The following FBXO11 variants were observed in gnomAD, a reference collection of about 807,000 sequenced individuals.
FBXO11 encodes the protein F-box only protein 11.
In FBXO11, 13 loss-of-function variants were observed where a neutral mutation model predicts 117.0. The observed-to-expected ratio is 0.11, with a 90% CI of 0.07 to 0.18. FBXO11 has a LOEUF of 0.18. FBXO11 is among the 10% of genes least tolerant of loss of function. FBXO11 has a pLI of 1.00. For missense variants in FBXO11, 767 were observed against 1,164.4 expected, an observed-to-expected ratio of 0.66 and a Z score of 4.97; for synonymous variants, 490 against 380.5, an observed-to-expected ratio of 1.29 and a Z score of -3.35.
chr2:47,880,120 C>T (rs888222062), intron 1 of FBXO11, among the ~76,000 whole-genome samples: 4 of 151,940 alleles, frequency 2.6e-5, no homozygotes, highest in Admixed American at 6.6e-5. Flanking sequence ...CACAGCCTCC[C>T]GAGTTGCTGG....
intron 1 of FBXO11, among the ~76,000 whole-genome samples, chr2:47,860,431 G>A (rs1330183070): frequency 6.9e-6 from 1 of 144,296 alleles, no homozygotes; most frequent in African/African-American, 2.6e-5. Context: ...TTTTTTTGGA[G>A]ACAGAGTCTG....
At chr2:47,836,845 G>T in intron 4 of FBXO11, 1 of 276,632 alleles carries the variant, frequency 3.6e-6, no homozygotes, top group Admixed American at 4.9e-5. Context: ...GTGCAGAGGC[G>T]TGATCATGGC....
intron 1 of FBXO11, among the ~76,000 whole-genome samples, chr2:47,843,311 T>C (rs554012157): frequency 6.6e-6 from 1 of 152,242 alleles, no homozygotes; most frequent in Admixed American, 6.5e-5. Context: ...AGCTTGTTAA[T>C]TGTGTTGTTC....
chr2:47,899,773 A>C (rs1483088640), intron 1 of FBXO11, among the ~76,000 whole-genome samples: 1 of 152,228 alleles, frequency 6.6e-6, no homozygotes, highest in Non-Finnish European at 1.5e-5. Context: ...AGGTCTGATA[A>C]ATCAGTGAAT....
At chr2:47,882,004 T>C (rs1052818380) in intron 1 of FBXO11, among the ~76,000 whole-genome samples, 1 of 152,166 alleles carries the variant, frequency 6.6e-6, no homozygotes, top group African/African-American at 2.4e-5. Flanking sequence ...TATTTTGGCC[T>C]CCCAAAGTGC....
At position 47,808,049 on chromosome 2, in the gene FBXO11, A is replaced by G. The variant is rs1011355355; in HGVS notation, c.*69T>C. On this transcript the variant is annotated 3_prime_UTR_variant, in exon 23 of 23. Transcript: ENST00000403359. ...CCTGTAGCATGGGCAAATATTTTAA[A>G]TCTTCTTCCAAAAAAGTGTTTTAAG... The G allele has an allele frequency of 3.6e-6, 5 of 1,386,246 alleles. No homozygotes were observed. Among genetic ancestry groups the G allele is most frequent in the Non-Finnish European group, 5.0e-6 (5 of 1,004,858 alleles). 85.9% of individuals were successfully genotyped at this position (1,386,246 alleles called of 1,614,324 possible). A position where few individuals can be genotyped will look rare whatever the true frequency, so the allele number is the denominator to read the frequency against.
intron 16 of FBXO11, among the ~76,000 whole-genome samples, chr2:47,818,225 CAG>C (rs775574539): frequency 1.3e-5 from 2 of 152,076 alleles, no homozygotes; most frequent in African/African-American, 2.4e-5. Flanking sequence ...AAAAAAATGG[CAG>C]AGAGATCTGC....
intron 1 of FBXO11, among the ~76,000 whole-genome samples, chr2:47,855,794 G>A (rs1415794485): frequency 6.6e-6 from 1 of 151,724 alleles, no homozygotes; most frequent in Admixed American, 6.6e-5. Flanking sequence ...ATTGTGCCAT[G>A]GCACTCCAGC....
At chr2:47,823,786 A>C (rs967362352) in intron 11 of FBXO11, among the ~76,000 whole-genome samples, 3 of 152,096 alleles carry the variant, frequency 2.0e-5, no homozygotes, top group Non-Finnish European at 4.4e-5. Flanking sequence ...TAAGAATAAA[A>C]AGTAGGTATA....
intron 1 of FBXO11, among the ~76,000 whole-genome samples, chr2:47,881,524 C>A (rs549966149): frequency 6.6e-6 from 1 of 152,068 alleles, no homozygotes; most frequent in South Asian, 2.1e-4. Context: ...AGTATTGAAA[C>A]TAATAGCATT....
chr2:47,836,719 A>G (rs1156719977), intron 4 of FBXO11, among the ~76,000 whole-genome samples: 1 of 152,226 alleles, frequency 6.6e-6, no homozygotes, highest in Non-Finnish European at 1.5e-5. Context: ...CTGTTTACTC[A>G]GGAAGGGGAA....
At chr2:47,828,172 A>G (rs76208111) in intron 11 of FBXO11, among the ~76,000 whole-genome samples, 11,027 of 151,892 alleles carry the variant, frequency 0.073, 561 homozygotes, top group Non-Finnish European at 0.11. Context: ...TTTAGTAGAG[A>G]TAGGGTCTGT....
rs1672408119 is a variant in FBXO11 at position 47,834,392 on chromosome 2, A to T, written c.934+187T>A. Among the ~76,000 whole-genome samples, 6 of 152,260 alleles carry T rather than the reference A, an allele frequency of 3.9e-5. No individual in the cohort carries two copies. The South Asian group carries it at 1.2e-3, about 32-fold the overall frequency. On this transcript the variant is annotated intron_variant, in intron 7 of 22. Coordinates refer to ENST00000403359, the MANE Select transcript of FBXO11 (RefSeq NM_001190274.2). ...TGGGGGGGGCGGGGAGAAAGAATTT[A>T]TATACAGCTATAATTTCTGAACTCT...
rs1028950551 is a variant in FBXO11 at position 47,882,480 on chromosome 2, T to G, written c.232+23009A>C. On this transcript the variant is annotated intron_variant, in intron 1 of 22. Coordinates refer to ENST00000403359, the MANE Select transcript of FBXO11 (RefSeq NM_001190274.2). Reference sequence around the variant, plus strand: ...TTTTTAACCACTTGTTCTACTGTCATGTTTTGGTTTTCTTCTATAGGGGTT... The same window carrying G: ...TTTTTAACCACTTGTTCTACTGTCAGGTTTTGGTTTTCTTCTATAGGGGTT... Among the ~76,000 whole-genome samples the G allele has an allele frequency of 2.6e-5, 4 of 152,212 alleles. No individual in the cohort carries two copies. The East Asian group carries it at 7.7e-4, about 29-fold the overall frequency.
rs186344664 is a variant in FBXO11 at position 47,873,614 on chromosome 2, G to A, written c.232+31875C>T. Among the ~76,000 whole-genome samples the A allele has an allele frequency of 7.2e-5, 11 of 152,174 alleles. No homozygotes were observed. In the East Asian group the frequency reaches 1.7e-3, roughly 24 times the overall value. On this transcript the variant is annotated intron_variant, in intron 1 of 22. Transcript: ENST00000403359. ...ATTCCTTAGTCTTTTGGGGTTCTTT[G>A]GCATGATTTGGCTTATTTCTTGTAG...
At chr2:47,810,021 G>C (rs1358703852) in intron 19 of FBXO11, 1 of 488,104 alleles carries the variant, frequency 2.0e-6, no homozygotes. Context: ...AAATTCATCT[G>C]AGGAATTGAA....
chr2:47,810,102 C>G, intron 19 of FBXO11: 1 of 516,306 alleles, frequency 1.9e-6, no homozygotes, highest in South Asian at 3.1e-5. Flanking sequence ...ATAATCACGA[C>G]TAAGCAATAA....
In FBXO11 at chr2:47,900,581, CATATAT is replaced by C. The variant is rs1203917894; in HGVS notation, c.232+4902_232+4907del. Among the ~76,000 whole-genome samples, 12 of 116,660 alleles carry C rather than the reference CATATAT, an allele frequency of 1.0e-4. 1 individual carries two copies. The highest frequency in any genetic ancestry group is 3.3e-4 in the African/African-American group (11 of 33,556). The allele number at this position is 116,660 out of a possible 152,430, so 76.5% of individuals were successfully genotyped here. A position where few individuals can be genotyped will look rare whatever the true frequency, so the allele number is the denominator to read the frequency against. On this transcript the variant is annotated intron_variant, in intron 1 of 22. Transcript: ENST00000403359. ...ACGTATATATACACACGTATACACA[CATATAT>C]ACGTATATACACACGTATACACACG...
intron 7 of FBXO11, among the ~76,000 whole-genome samples, chr2:47,834,107 T>G (rs981744256): frequency 1.3e-5 from 2 of 152,182 alleles, no homozygotes; most frequent in African/African-American, 4.8e-5. Context: ...CCCCGCACTT[T>G]GGAAGGCCGA....
Sources: allele counts gnomAD v4.1 joint callset (sites outside exome capture counted in the v4.1 genomes callset), GRCh38; gene constraint gnomAD v4.1.1; transcripts MANE v1.5; gene names NCBI Gene and HGNC (gene_info 2026-07-23, HGNC 2026-07-21).